ERBB4: variants seen among roughly 807,000 people sequenced by gnomAD.
ERBB4 encodes erb-b2 receptor tyrosine kinase 4.
In ERBB4, 42 loss-of-function variants were observed where a neutral mutation model predicts 158.0. The observed-to-expected ratio is 0.27, with a 90% CI of 0.21 to 0.34. The LOEUF (loss-of-function observed/expected upper bound fraction) is 0.34, where lower values mean the gene tolerates loss of function less well. Ranked by LOEUF, ERBB4 falls within the 10% of genes least tolerant of loss-of-function variation. ERBB4 has a pLI of 1.00. For missense variants in ERBB4, 1,333 were observed against 1,624.1 expected, an observed-to-expected ratio of 0.82 and a Z score of 3.08; for synonymous variants, 583 against 558.7, an observed-to-expected ratio of 1.04 and a Z score of -0.61.
chr2:211,453,281 G>C (rs995789758), intron 20 of ERBB4, among the ~76,000 whole-genome samples: 4 of 152,114 alleles, frequency 2.6e-5, no homozygotes, highest in Admixed American at 2.6e-4. Context: ...GTTATCTCAA[G>C]TCTTAAGCTC....
At chr2:211,821,670 T>G (rs1489770351) in intron 3 of ERBB4, among the ~76,000 whole-genome samples, 3 of 151,950 alleles carry the variant, frequency 2.0e-5, no homozygotes, top group Non-Finnish European at 4.4e-5. Context: ...TGCAGATCAA[T>G]GCAAGAGAAT....
chr2:212,263,517 C>T (rs1408021257), intron 1 of ERBB4, among the ~76,000 whole-genome samples: 1 of 151,912 alleles, frequency 6.6e-6, no homozygotes, highest in Non-Finnish European at 1.5e-5. Context: ...TTTTTGCAGC[C>T]CCTGTAGAGC....
intron 1 of ERBB4, among the ~76,000 whole-genome samples, chr2:212,270,182 T>G (rs1455145866): frequency 6.6e-6 from 1 of 151,818 alleles, no homozygotes. Context: ...TGTTGCCACT[T>G]CTGATGACCA....
chr2:212,522,161 TCAGC>T (rs1223884644), intron 1 of ERBB4, among the ~76,000 whole-genome samples: 1 of 152,016 alleles, frequency 6.6e-6, no homozygotes, highest in Non-Finnish European at 1.5e-5. Flanking sequence ...GCATTGCTGA[TCAGC>T]CACCTGCACA....
intron 1 of ERBB4, among the ~76,000 whole-genome samples, chr2:212,266,962 C>T (rs1216608607): frequency 1.3e-5 from 2 of 151,942 alleles, no homozygotes; most frequent in East Asian, 3.9e-4. Flanking sequence ...TATGCTAATC[C>T]ATAGTTATGT....
chr2:211,562,769 C>CTTTTTTTTTT (rs367801279), intron 19 of ERBB4, among the ~76,000 whole-genome samples: 37 of 125,706 alleles, frequency 2.9e-4, no homozygotes, highest in African/African-American at 5.7e-4. Flanking sequence ...ACTACTCCAA[C>CTTTTTTTTTT]TTTTTTTTTT....
At chr2:211,704,294 A>G in intron 10 of ERBB4, 100 bp from the exon 11 acceptor site, 1 of 801,176 alleles carries the variant, frequency 1.2e-6, no homozygotes, top group Non-Finnish European at 2.2e-6. Context: ...AAAGTTGGGA[A>G]GTGAGAAAGG....
intron 1 of ERBB4, among the ~76,000 whole-genome samples, chr2:212,205,158 T>C (rs962124681): frequency 9.2e-5 from 14 of 151,890 alleles, no homozygotes; most frequent in African/African-American, 3.1e-4. Flanking sequence ...GACAGACAGA[T>C]AGACAGATTT....
chr2:212,212,107 T>C (rs955948298), intron 1 of ERBB4, among the ~76,000 whole-genome samples: 13 of 152,234 alleles, frequency 8.5e-5, no homozygotes, highest in African/African-American at 2.9e-4. Context: ...CAAATGGTAT[T>C]TCTGGTTCTA....
chr2:211,802,426 GAACTT>G (rs2076521783), intron 3 of ERBB4, among the ~76,000 whole-genome samples: 1 of 152,116 alleles, frequency 6.6e-6, no homozygotes, highest in East Asian at 1.9e-4. Context: ...AATATTTTGA[GAACTT>G]AACTATTAGG....
chr2:212,446,579 A>ATATATATATGTG (rs2092353932), intron 1 of ERBB4, among the ~76,000 whole-genome samples: 1 of 21,924 alleles, frequency 4.6e-5, no homozygotes, highest in Non-Finnish European at 7.2e-5. Flanking sequence ...ATAAACTCCC[A>ATATATATATGTG]TATATATATA....
At position 211,378,801 on chromosome 2, in the gene ERBB4, T is replaced by TA. The variant is rs1389622217; in HGVS notation, c.*4813dup. ...GGGGCAAGGCTGTCCTTCAAACTGA[T>TA]ACACACCGAAGTCCATGTACACAAA... On this transcript the variant is annotated 3_prime_UTR_variant, in exon 28 of 28. Coordinates refer to ENST00000342788, the MANE Select transcript of ERBB4 (RefSeq NM_005235.3). 4.3e-6 allele frequency: 1 copy of TA among 232,618 alleles called. No individual in the cohort carries two copies. The highest frequency in any genetic ancestry group is 8.5e-6 in the Non-Finnish European group (1 of 117,614). The allele number at this position is 232,618 out of a possible 1,614,324, so 14.4% of individuals were successfully genotyped here.
intron 2 of ERBB4, among the ~76,000 whole-genome samples, chr2:211,968,597 C>G (rs994717245): frequency 6.6e-6 from 1 of 151,894 alleles, no homozygotes. Flanking sequence ...GCTCTGTTCT[C>G]TTTTTATTCA....
At chr2:212,496,626 C>A (rs994819435) in intron 1 of ERBB4, among the ~76,000 whole-genome samples, 3 of 152,090 alleles carry the variant, frequency 2.0e-5, no homozygotes, top group African/African-American at 7.2e-5. Flanking sequence ...GTAACATTCA[C>A]GATACATTAT....
At chr2:211,848,046 G>A (rs2077631511) in intron 3 of ERBB4, among the ~76,000 whole-genome samples, 1 of 152,086 alleles carries the variant, frequency 6.6e-6, no homozygotes, top group African/African-American at 2.4e-5. Context: ...AAGACCCCAT[G>A]TTCCTAATTC....
intron 3 of ERBB4, among the ~76,000 whole-genome samples, chr2:211,838,371 T>C (rs1284448426): frequency 6.6e-6 from 1 of 152,070 alleles, no homozygotes; most frequent in Admixed American, 6.6e-5. Flanking sequence ...AGTGTTTAAC[T>C]TGAGATAATT....
chr2:211,914,739 A>G (rs1190815685), intron 3 of ERBB4, among the ~76,000 whole-genome samples: 1 of 152,192 alleles, frequency 6.6e-6, no homozygotes, highest in Admixed American at 6.5e-5. Context: ...TACCTAAACA[A>G]ATATAAGCCA....
chr2:211,845,988 A>T (rs780360643), intron 3 of ERBB4, among the ~76,000 whole-genome samples: 1 of 152,054 alleles, frequency 6.6e-6, no homozygotes, highest in Non-Finnish European at 1.5e-5. Context: ...AGAAAGAGAA[A>T]GCACTATTTC....
intron 3 of ERBB4, among the ~76,000 whole-genome samples, chr2:211,904,561 T>C (rs2079326646): frequency 6.6e-6 from 1 of 152,120 alleles, no homozygotes; most frequent in South Asian, 2.1e-4. Context: ...TTAAACATAA[T>C]ATATGTATAT....
Sources: gnomAD v4.1 joint callset for allele counts (sites outside exome capture counted in the v4.1 genomes callset) on GRCh38, gnomAD v4.1.1 for gene constraint, MANE v1.5 for transcripts, NCBI Gene and HGNC (gene_info 2026-07-23, HGNC 2026-07-21) for gene names.